DNAI4: variants seen among roughly 807,000 people sequenced by gnomAD.
DNAI4 encodes WD repeat domain 78.
DNAI4 carries 85 observed loss-of-function variants against 105.8 expected under a neutral mutation model. That is an observed-to-expected ratio of 0.80 (90% CI 0.67 to 0.96). DNAI4 has a LOEUF of 0.96. Among genes scored for constraint, DNAI4 ranks in the 40% least tolerant of loss-of-function variants. The pLI is 0.00. For missense variants in DNAI4, 1,014 were observed against 1,005.6 expected (o/e 1.01, Z -0.11); for synonymous variants, 352 against 331.5 (o/e 1.06, Z -0.67).
At chr1:66,868,207 T>C (rs1396433171) in intron 6 of DNAI4, among the ~76,000 whole-genome samples, 1 of 152,236 alleles carries the variant, frequency 6.6e-6, no homozygotes, top group Non-Finnish European at 1.5e-5. Flanking sequence ...TTTTAATTTT[T>C]CCACATATCT....
chr1:66,852,992 T>A (rs1033775026), intron 7 of DNAI4, among the ~76,000 whole-genome samples: 11 of 152,150 alleles, frequency 7.2e-5, no homozygotes, highest in African/African-American at 2.7e-4. Context: ...GCTCTCTCAG[T>A]CAAGTAGCTA....
chr1:66,878,222 G>A (rs1646998919), intron 4 of DNAI4, among the ~76,000 whole-genome samples: 1 of 151,922 alleles, frequency 6.6e-6, no homozygotes, highest in Admixed American at 6.6e-5. Context: ...TTTATAATTT[G>A]GGTTATAATC....
intron 16 of DNAI4, among the ~76,000 whole-genome samples, chr1:66,820,785 G>T (rs1645608502): frequency 8.4e-6 from 1 of 118,376 alleles, no homozygotes; most frequent in South Asian, 3.2e-4. Context: ...ATTTTAGGCT[G>T]GGGAAATGAT....
At chr1:66,899,811 C>T (rs1019280455) in intron 2 of DNAI4, among the ~76,000 whole-genome samples, 1 of 152,120 alleles carries the variant, frequency 6.6e-6, no homozygotes, top group African/African-American at 2.4e-5. Flanking sequence ...ATTTGTTCAA[C>T]AGAATATCCT....
intron 1 of DNAI4, among the ~76,000 whole-genome samples, chr1:66,923,553 G>C (rs1210006528): frequency 6.6e-6 from 1 of 152,186 alleles, no homozygotes. Context: ...AGATCGAGAA[G>C]CGATAAACCC....
rs910901322 is a variant in DNAI4 at position 66,888,402 on chromosome 1, T to C, written c.643+2752A>G. On this transcript the variant is annotated intron_variant, in intron 4 of 16. Coordinates refer to ENST00000371026, the MANE Select transcript of DNAI4 (RefSeq NM_024763.5). Reference sequence around the variant, plus strand: ...TAGAGGCTGACTTTGTAGTTGGAATTCACCAGCAACGGCTGGGCGTGGTGG... The same window carrying C: ...TAGAGGCTGACTTTGTAGTTGGAATCCACCAGCAACGGCTGGGCGTGGTGG... Among the ~76,000 whole-genome samples, 11 of 152,238 alleles carry C rather than the reference T, an allele frequency of 7.2e-5. 2 individuals carry two copies. The highest frequency in any genetic ancestry group is 1.3e-4 in the Admixed American group (2 of 15,284).
chr1:66,918,939 T>C, intron 1 of DNAI4: 2 of 249,626 alleles, frequency 8.0e-6, no homozygotes, highest in African/African-American at 2.3e-5. Context: ...CTCACTGATA[T>C]AGATGCATAT....
intron 10 of DNAI4, among the ~76,000 whole-genome samples, chr1:66,836,777 T>C (rs1031074027): frequency 2.0e-5 from 3 of 152,240 alleles, no homozygotes; most frequent in Non-Finnish European, 4.4e-5. Flanking sequence ...GTTACAGCTA[T>C]TACAGACTAG....
chr1:66,875,950 C>A (rs754802694), intron 4 of DNAI4, among the ~76,000 whole-genome samples: 10 of 151,874 alleles, frequency 6.6e-5, no homozygotes, highest in Non-Finnish European at 1.0e-4. Context: ...GACAGAGCAG[C>A]CCAGAACATG....
chr1:66,890,837 GA>G lies in DNAI4; in HGVS notation c.643+316del. ...AAGAAGAGGAAAAGAGGAAGAGGAA[GA>G]AAAGGAAGAGGAAGAAGAAGAGGAA... On this transcript the variant is annotated intron_variant, in intron 4 of 16. Coordinates refer to ENST00000371026, the MANE Select transcript of DNAI4 (RefSeq NM_024763.5). The surrounding 1 kb of genome is among the most constrained non-coding windows in gnomAD (Gnocchi z 4.1). 2.8e-6 allele frequency: 1 copy of G among 363,396 alleles called. No individual in the cohort carries two copies. The highest frequency in any genetic ancestry group is 4.3e-5 in the Admixed American group (1 of 23,056). The allele number at this position is 363,396 out of a possible 1,614,324, so 22.5% of individuals were successfully genotyped here.
intron 8 of DNAI4, among the ~76,000 whole-genome samples, chr1:66,845,190 C>CAAAAAAAA (rs59265844): frequency 4.3e-4 from 46 of 106,262 alleles, no homozygotes; most frequent in South Asian, 7.3e-4. Flanking sequence ...AACTCCATCT[C>CAAAAAAAA]AAAAAAAAAA....
chr1:66,869,554 T>C (rs1646798754), intron 6 of DNAI4, among the ~76,000 whole-genome samples: 1 of 152,238 alleles, frequency 6.6e-6, no homozygotes, highest in East Asian at 1.9e-4. Context: ...AATAGGTTTC[T>C]TAATATGAAT....
At chr1:66,864,324 A>C (rs1038144205) in intron 6 of DNAI4, among the ~76,000 whole-genome samples, 4 of 152,218 alleles carry the variant, frequency 2.6e-5, no homozygotes, top group African/African-American at 7.2e-5. Context: ...GTGACTTCCC[A>C]ATTTTATAAT....
chr1:66,882,293 ATT>A (rs1384900191), intron 4 of DNAI4, among the ~76,000 whole-genome samples: 1 of 152,144 alleles, frequency 6.6e-6, no homozygotes, highest in Non-Finnish European at 1.5e-5. Flanking sequence ...TTAACATTTT[ATT>A]TCACAAAGCA....
intron 1 of DNAI4, 131 bp downstream of exon 1, chr1:66,924,531 G>A (rs1049766720): frequency 3.3e-6 from 4 of 1,223,380 alleles, no homozygotes; most frequent in Admixed American, 4.8e-5. Flanking sequence ...TGGCCTAGGA[G>A]CTTCAAGGTC....
Position 66,813,977 on chromosome 1 carries a change from G to C in DNAI4, c.*153C>G, listed in dbSNP as rs368205184. ...GATTGTAAACTAATCAAATATCTCT[G>C]AAATAAAAGTTTATTAAATTTAAAT... On this transcript the variant is annotated 3_prime_UTR_variant, in exon 17 of 17. Transcript: ENST00000371026. 18 of 560,978 alleles carry C rather than the reference G, an allele frequency of 3.2e-5. No individual in the cohort carries two copies. The East Asian group carries it at 5.5e-4, about 17-fold the overall frequency. 34.8% of individuals were successfully genotyped at this position (560,978 alleles called of 1,614,324 possible).
rs188755995 is a variant in DNAI4, at chr1:66,865,429, A to C, written c.941-3127T>G. Among the ~76,000 whole-genome samples, 53 of 152,254 alleles carry C rather than the reference A, an allele frequency of 3.5e-4. 1 individual carries two copies. The highest frequency in any genetic ancestry group is 7.2e-4 in the Admixed American group (11 of 15,298). ...TCAGAGCAAGACCCCATCTCAAAACAACAACAACAACAAAAAGATTTTATG... is the reference window on the plus strand; with the variant it reads ...TCAGAGCAAGACCCCATCTCAAAACCACAACAACAACAAAAAGATTTTATG... On this transcript the variant is annotated intron_variant, in intron 6 of 16. Coordinates refer to ENST00000371026, the MANE Select transcript of DNAI4 (RefSeq NM_024763.5).
intron 3 of DNAI4, 106 bp downstream of exon 3, chr1:66,893,123 A>AAGAG (rs1181639249): frequency 1.9e-6 from 1 of 537,942 alleles, no homozygotes. Context: ...GAAAGAAAGA[A>AAGAG]ACTGGGAGAC....
In DNAI4 at chr1:66,891,276, T is replaced by G. The variant is rs1292199371; in HGVS notation, c.531-10A>C. On this transcript the variant is annotated splice_polypyrimidine_tract_variant and intron_variant, in intron 3 of 16. Coordinates refer to ENST00000371026, the MANE Select transcript of DNAI4 (RefSeq NM_024763.5). ...GCTTCCTAAAACTGACCTTTAATAA[T>G]GAATAACAAAATTACTCATTTATTT... is the stretch of plus-strand genomic sequence containing the variant. The G allele has an allele frequency of 6.3e-7, 1 of 1,587,564 alleles. No individual in the cohort carries two copies. The highest frequency in any genetic ancestry group is 1.1e-5 in the South Asian group (1 of 90,128).
Sources: gnomAD v4.1 joint callset for allele counts (sites outside exome capture counted in the v4.1 genomes callset) on GRCh38, gnomAD v4.1.1 for gene constraint, Gnocchi (gnomAD v3.1) non-coding constraint, MANE v1.5 for transcripts, NCBI Gene and HGNC (gene_info 2026-07-23, HGNC 2026-07-21) for gene names.